BAHCC1: variants seen among roughly 807,000 people sequenced by gnomAD.
BAHCC1 encodes the protein BAH and coiled-coil domain-containing protein 1.
Under a neutral mutation model 88.2 loss-of-function variants are expected in BAHCC1, and 43 were observed. The ratio of observed to expected loss-of-function variants is 0.49; its 90% CI spans 0.38 to 0.63. The LOEUF (loss-of-function observed/expected upper bound fraction) is 0.63. Ranked by LOEUF, BAHCC1 falls within the 20% of genes least tolerant of loss-of-function variation. BAHCC1 has a pLI of 0.00. For missense variants in BAHCC1, 3,023 were observed against 1,654.8 expected, an observed-to-expected ratio of 1.83 and a Z score of -14.34; for synonymous variants, 1,510 against 745.5, an observed-to-expected ratio of 2.03 and a Z score of -16.71.
intron 14 of BAHCC1, among the ~76,000 whole-genome samples, chr17:81,453,946 C>A (rs1281567066): frequency 6.6e-6 from 1 of 152,376 alleles, no homozygotes; most frequent in East Asian, 1.9e-4. Flanking sequence ...GCCCCTCAGG[C>A]CTCAGAAGCC....
Position 81,463,824 on chromosome 17 carries a change from C to T in BAHCC1, c.*7C>T. Reference sequence around the variant, plus strand: ...CGTGCCCATCCTATGCTGAGCCGCCCACCGCAGATGCCTCCCACGTGCGCC... The same window carrying T: ...CGTGCCCATCCTATGCTGAGCCGCCTACCGCAGATGCCTCCCACGTGCGCC... On this transcript the variant is annotated 3_prime_UTR_variant, in exon 28 of 28. Transcript: ENST00000675386. 1 of 715,648 alleles carries T rather than the reference C, an allele frequency of 1.4e-6. No homozygotes were observed. The highest frequency in any genetic ancestry group is 2.7e-5 in the East Asian group (1 of 37,652). The allele number at this position is 715,648 out of a possible 1,614,324, so 44.3% of individuals were successfully genotyped here. A position where few individuals can be genotyped will look rare whatever the true frequency, so the allele number is the denominator to read the frequency against.
intron 2 of BAHCC1, among the ~76,000 whole-genome samples, chr17:81,412,268 A>C (rs542056260): frequency 9.2e-5 from 14 of 152,382 alleles, no homozygotes; most frequent in Admixed American, 3.9e-4. Context: ...GAGAGTTTTC[A>C]TATCCCTTTG....
rs2063943474 is a variant in BAHCC1, at chr17:81,411,028, T to G, written c.178+11111T>G. ...GGTCTTTGTTGTCCATATGTCTGTG[T>G]GAAGGCCTGGGGCCCCCGTGCGCCT... On this transcript the variant is annotated intron_variant, in intron 2 of 27. Transcript: ENST00000675386. This position sits in a 1 kb window ranked among gnomAD's most constrained non-coding sequence, Gnocchi z 6.2. The G allele has an allele frequency of 2.1e-5, 11 of 516,622 alleles. No individual in the cohort carries two copies. The highest frequency in any genetic ancestry group is 2.0e-4 in the Admixed American group (10 of 51,118). The allele number at this position is 516,622 out of a possible 1,614,324, so 32.0% of individuals were successfully genotyped here.
At position 81,452,724 on chromosome 17, in the gene BAHCC1, A is replaced by G. The variant is rs782107902; in HGVS notation, c.4318A>G (p.Arg1440Gly). 1 of 750,072 alleles carries G rather than the reference A, an allele frequency of 1.3e-6. No individual in the cohort carries two copies. Among genetic ancestry groups the G allele is most frequent in the Non-Finnish European group, 2.5e-6 (1 of 405,948 alleles). 46.5% of individuals were successfully genotyped at this position (750,072 alleles called of 1,614,324 possible). A position where few individuals can be genotyped will look rare whatever the true frequency, so the allele number is the denominator to read the frequency against. The part of the protein sequence containing the change: ...ARLQRKHDHE[R>G]DESSRSPARR... Reference sequence around the variant, plus strand: ...GACCATCCCCCCTGCGGCCCCCAGGAGAGACGAGAGTTCACGGAGCCCTGC... The same window carrying G: ...GACCATCCCCCCTGCGGCCCCCAGGGGAGACGAGAGTTCACGGAGCCCTGC... The change falls in exon 14 of 28, where the codon AGA becomes GGA. Residue 1440 changes from arginine (R) to glycine (G), a missense_variant and splice_region_variant. Physicochemically the swap from Arg to Gly is moderately radical, Grantham distance 125 (BLOSUM62 -2). Coordinates refer to ENST00000675386, the MANE Select transcript of BAHCC1 (RefSeq NM_001377448.1).
Position 81,445,036 on chromosome 17 carries a change from C to T in BAHCC1, c.2693C>T (p.Ser898Leu), listed in dbSNP as rs1555653930. 1.3e-6 allele frequency: 1 copy of T among 764,780 alleles called. No homozygotes were observed. The highest frequency in any genetic ancestry group is 1.7e-5 in the African/African-American group (1 of 58,902). 47.4% of individuals were successfully genotyped at this position (764,780 alleles called of 1,614,324 possible). A position where few individuals can be genotyped will look rare whatever the true frequency, so the allele number is the denominator to read the frequency against. ...HALADVMDQASLWPPMYGGRG... is the reference protein window; with the variant it reads ...HALADVMDQALLWPPMYGGRG... ...ACAGCGGATGTCATGGACCAGGCGT[C>T]ACTGTGGCCCCCCATGTACGGGGGC... is the stretch of plus-strand genomic sequence containing the variant. The change falls in exon 9 of 28, where the codon TCA becomes TTA. Residue 898 changes from serine to leucine, a missense_variant. Coordinates refer to ENST00000675386, the MANE Select transcript of BAHCC1 (RefSeq NM_001377448.1).
chr17:81,452,129 G>A (rs1320415720), intron 13 of BAHCC1, 22 bp downstream of exon 13: 6 of 581,504 alleles, frequency 1.0e-5, no homozygotes, highest in African/African-American at 8.2e-5. Context: ...GTGGCGGGGG[G>A]GCCTGGGAGG....
intron 23 of BAHCC1, 142 bp downstream of exon 23, chr17:81,459,746 T>TC: frequency 9.9e-6 from 2 of 201,466 alleles, no homozygotes; most frequent in East Asian, 2.8e-4. Flanking sequence ...TAAAATGAGC[T>TC]CCCCAGGCGC....
rs377637324 is a variant in BAHCC1 at position 81,448,519 on chromosome 17, C to T, written c.3976+671C>T. ...CGGGAAAGCGCCCGCTTCCTGCCGT[C>T]TTCCCTGTGGGCCCCAGAGAAAGCC... On this transcript the variant is annotated intron_variant, in intron 11 of 27. Transcript: ENST00000675386. Among the ~76,000 whole-genome samples the T allele has an allele frequency of 9.8e-5, 15 of 152,360 alleles. No homozygotes were observed. The South Asian group carries it at 2.7e-3, about 27-fold the overall frequency.
At position 81,461,687 on chromosome 17, in the gene BAHCC1, AACGAGGACTCGTCCTACAGCTCAGACG is replaced by A. The variant is rs1555659491; in HGVS notation, c.7033_7059del (p.Ser2345_Asp2353del). 2 of 722,202 alleles carry A rather than the reference AACGAGGACTCGTCCTACAGCTCAGACG, an allele frequency of 2.8e-6. No homozygotes were observed. Among genetic ancestry groups the A allele is most frequent in the South Asian group, 2.9e-5 (2 of 67,866 alleles). The allele number at this position is 722,202 out of a possible 1,614,324, so 44.7% of individuals were successfully genotyped here. On this transcript the variant is annotated inframe_deletion, in exon 26 of 28. Coordinates refer to ENST00000675386, the MANE Select transcript of BAHCC1 (RefSeq NM_001377448.1). ...CACCTCCAGCCTCTGCTCCTCCGAC[AACGAGGACTCGTCCTACAGCTCAGACG>A]ACGAGGACCCGGCTCTGCTGCTGCA...
intron 3 of BAHCC1, among the ~76,000 whole-genome samples, chr17:81,433,845 C>T (rs2064300553): frequency 1.3e-5 from 2 of 152,256 alleles, no homozygotes; most frequent in Non-Finnish European, 2.9e-5. Flanking sequence ...CAGCCCAGCA[C>T]TCGGGGCCTG....
intron 2 of BAHCC1, among the ~76,000 whole-genome samples, chr17:81,426,140 A>G (rs2064194482): frequency 1.0e-5 from 1 of 98,426 alleles, no homozygotes; most frequent in African/African-American, 3.9e-5. Context: ...GTTGGTGGTG[A>G]TAGTGGTGGG....
intron 2 of BAHCC1, among the ~76,000 whole-genome samples, chr17:81,422,549 C>G (rs571605876): frequency 5.9e-5 from 9 of 152,182 alleles, no homozygotes; most frequent in Non-Finnish European, 1.2e-4. Context: ...CCATCCCCTT[C>G]CCTCTCATTC....
At chr17:81,445,813 C>T in intron 10 of BAHCC1, 132 bp downstream of exon 10, 1 of 610,580 alleles carries the variant, frequency 1.6e-6, no homozygotes. Flanking sequence ...GGCAGCATGG[C>T]TGTTCCCTTC....
At chr17:81,414,053 G>A (rs782386252) in intron 2 of BAHCC1, among the ~76,000 whole-genome samples, 8 of 152,200 alleles carry the variant, frequency 5.3e-5, no homozygotes, top group Admixed American at 3.3e-4. Context: ...TGGTCTGAGC[G>A]TGTCTCTAGA....
intron 16 of BAHCC1, 131 bp from the exon 17 acceptor site, chr17:81,457,279 G>A: frequency 1.6e-6 from 1 of 638,808 alleles, no homozygotes; most frequent in East Asian, 2.7e-5. Flanking sequence ...CCACAGAGCG[G>A]CCCAGAGGGT....
Position 81,399,830 on chromosome 17 carries a change from G to A in BAHCC1, c.91G>A (p.Ala31Thr), listed in dbSNP as rs1251225761. 8.2e-6 allele frequency: 11 copies of A among 1,341,760 alleles called. No homozygotes were observed. Among genetic ancestry groups the A allele is most frequent in the African/African-American group, 1.5e-5 (1 of 64,884 alleles). The allele number at this position is 1,341,760 out of a possible 1,614,324, so 83.1% of individuals were successfully genotyped here. The change falls in exon 2 of 28, where the codon GCC (alanine) becomes ACC (threonine). Residue 31 changes from alanine to threonine, a missense_variant. By Grantham distance (58) the Ala-to-Thr change is moderately conservative. Transcript: ENST00000675386. This position sits in a 1 kb window ranked among gnomAD's most constrained non-coding sequence, Gnocchi z 4.5. ...CAGCGCCGCTGCCGCCGCGCGTCTC[G>A]CCCCGGCTGGGCCCGCCGCGCAGCC... is the stretch of plus-strand genomic sequence containing the variant. The part of the protein sequence containing the change: ...HRSAAAAARL[A>T]PAGPAAQPPA...
intron 2 of BAHCC1, among the ~76,000 whole-genome samples, chr17:81,425,201 GA>G (rs1555650180): frequency 1.0e-4 from 3 of 29,022 alleles, no homozygotes; most frequent in Non-Finnish European, 6.6e-5. Flanking sequence ...TGTGGTTGGT[GA>G]TGATGGTGGG....
At position 81,456,347 on chromosome 17, in the gene BAHCC1, C is replaced by T. The variant is rs782050912; in HGVS notation, c.4620C>T (p.Ser1540=). ...KSSCQGGLAP[S]VAHRVAQLKP... ...GCTGTCAGGGCGGGCTGGCGCCCTC[C>T]GTGGCCCACAGGGTGGCCCAGCTGA... is the stretch of plus-strand genomic sequence containing the variant. The change falls in exon 16 of 28, where the codon TCC becomes TCT. Residue 1540 remains serine (S), a synonymous_variant. Coordinates refer to ENST00000675386, the MANE Select transcript of BAHCC1 (RefSeq NM_001377448.1). The T allele has an allele frequency of 4.7e-5, 34 of 723,906 alleles. No individual in the cohort carries two copies. Among genetic ancestry groups the T allele is most frequent in the African/African-American group, 1.6e-4 (9 of 57,540 alleles). The allele number at this position is 723,906 out of a possible 1,614,324, so 44.8% of individuals were successfully genotyped here.
In BAHCC1 at chr17:81,455,362, T is replaced by C; in HGVS notation, c.4541T>C (p.Val1514Ala). 1.4e-6 allele frequency: 1 copy of C among 716,620 alleles called. No individual in the cohort carries two copies. Among genetic ancestry groups the C allele is most frequent in the Non-Finnish European group, 2.6e-6 (1 of 384,920 alleles). The allele number at this position is 716,620 out of a possible 1,614,324, so 44.4% of individuals were successfully genotyped here. A position where few individuals can be genotyped will look rare whatever the true frequency, so the allele number is the denominator to read the frequency against. ...AAGCGAAGCAAGCTGGAGAGGAGCG[T>C]CTATGCGGGCCTGCAGACTGCCTCC... is the stretch of plus-strand genomic sequence containing the variant. ...AKKRSKLERS[V>A]YAGLQTASVE... Residue 1514 changes from valine (V) to alanine (A), a missense_variant, in exon 15 of 28, where the codon GTC becomes GCC. Coordinates refer to ENST00000675386, the MANE Select transcript of BAHCC1 (RefSeq NM_001377448.1).
Sources: allele counts gnomAD v4.1 joint callset (sites outside exome capture counted in the v4.1 genomes callset), GRCh38; gene constraint gnomAD v4.1.1; non-coding constraint Gnocchi (gnomAD v3.1); transcripts MANE v1.5; gene names NCBI Gene and HGNC (gene_info 2026-07-23, HGNC 2026-07-21).